UBE2E2: variants seen among roughly 807,000 people sequenced by gnomAD.
UBE2E2 encodes the protein ubiquitin conjugating enzyme E2 E2.
In UBE2E2, 6 loss-of-function variants were observed where a neutral mutation model predicts 24.7. The ratio of observed to expected loss-of-function variants is 0.24; its 90% CI spans 0.13 to 0.48. UBE2E2 has a LOEUF of 0.48. Among genes scored for constraint, UBE2E2 ranks in the 20% least tolerant of loss-of-function variants. The probability of loss-of-function intolerance (pLI) is 0.99; values close to 1 mark genes in which losing one functional copy is unlikely to be tolerated. For missense variants in UBE2E2, 169 were observed against 245.0 expected (o/e 0.69, Z 2.07); for synonymous variants, 104 against 83.6 (o/e 1.24, Z -1.33).
chr3:23,377,171 A>G (rs1005626557), intron 3 of UBE2E2, among the ~76,000 whole-genome samples: 1 of 152,136 alleles, frequency 6.6e-6, no homozygotes, highest in African/African-American at 2.4e-5. Context: ...TTACCAACCT[A>G]CAAGGAAATC....
At chr3:23,517,522 T>C (rs1694769953) in intron 4 of UBE2E2, among the ~76,000 whole-genome samples, 2 of 152,204 alleles carry the variant, frequency 1.3e-5, no homozygotes, top group Admixed American at 1.3e-4. Context: ...CTTTCAAATG[T>C]AAATATTCTG....
intron 5 of UBE2E2, among the ~76,000 whole-genome samples, chr3:23,578,608 AC>A (rs1450148661): frequency 6.6e-6 from 1 of 152,228 alleles, no homozygotes; most frequent in Non-Finnish European, 1.5e-5. Flanking sequence ...ATAAAAAGGA[AC>A]AAGATCATGT....
At chr3:23,437,210 C>T (rs1698204096) in intron 3 of UBE2E2, among the ~76,000 whole-genome samples, 1 of 152,176 alleles carries the variant, frequency 6.6e-6, no homozygotes, top group East Asian at 1.9e-4. Context: ...TTTACTTGGC[C>T]TGAAAAACTC....
rs3087043 is a variant in UBE2E2, at chr3:23,400,607, AACACACACAC to A, written c.228-98975_228-98966del. ...GGTGGACAGAGAGGAGAATAAATGAAACACACACACACACACACACACACACACACACACA... is the reference window on the plus strand; with the variant it reads ...GGTGGACAGAGAGGAGAATAAATGAAACACACACACACACACACACACACA... On this transcript the variant is annotated intron_variant, in intron 3 of 5. Coordinates refer to ENST00000396703, the MANE Select transcript of UBE2E2 (RefSeq NM_152653.4). Among the ~76,000 whole-genome samples, 22 of 137,836 alleles carry A rather than the reference AACACACACAC, an allele frequency of 1.6e-4. No homozygotes were observed. The South Asian group carries it at 2.7e-3, about 17-fold the overall frequency. 90.4% of individuals were successfully genotyped at this position (137,836 alleles called of 152,430 possible). A position where few individuals can be genotyped will look rare whatever the true frequency, so the allele number is the denominator to read the frequency against.
At chr3:23,327,108 A>G (rs1694911658) in intron 3 of UBE2E2, among the ~76,000 whole-genome samples, 2 of 152,140 alleles carry the variant, frequency 1.3e-5, no homozygotes, top group Non-Finnish European at 1.5e-5. Flanking sequence ...AGTCTTTGCT[A>G]TTGTGAATAG....
chr3:23,271,197 T>C, intron 3 of UBE2E2: 1 of 395,026 alleles, frequency 2.5e-6, no homozygotes, highest in South Asian at 2.0e-5. Context: ...TCTCGCTGAC[T>C]TCAAGAATGA....
chr3:23,584,169 T>G (rs2125520632), intron 5 of UBE2E2, among the ~76,000 whole-genome samples: 1 of 152,362 alleles, frequency 6.6e-6, no homozygotes, highest in Non-Finnish European at 1.5e-5. Flanking sequence ...TCTGTTGAGA[T>G]GATCACGTGG....
chr3:23,326,604 A>G (rs1022527001), intron 3 of UBE2E2, among the ~76,000 whole-genome samples: 2 of 152,204 alleles, frequency 1.3e-5, no homozygotes, highest in African/African-American at 2.4e-5. Flanking sequence ...AAAAAAAAGT[A>G]TGAGGTTGTA....
intron 3 of UBE2E2, among the ~76,000 whole-genome samples, chr3:23,229,398 C>T (rs1696915723): frequency 6.6e-6 from 1 of 152,136 alleles, no homozygotes; most frequent in Non-Finnish European, 1.5e-5. Flanking sequence ...ATCTCCTGAA[C>T]AGTATACACT....
intron 3 of UBE2E2, among the ~76,000 whole-genome samples, chr3:23,241,159 C>T (rs777058353): frequency 1.1e-4 from 17 of 152,144 alleles, no homozygotes; most frequent in Admixed American, 2.0e-4. Context: ...GTCATTGATT[C>T]CTTTTTCTCT....
intron 3 of UBE2E2, among the ~76,000 whole-genome samples, chr3:23,332,841 G>GA (rs948044225): frequency 1.3e-5 from 2 of 152,196 alleles, no homozygotes; most frequent in Middle Eastern, 3.4e-3. Flanking sequence ...ACTAAGACTT[G>GA]AAATCATTTT....
chr3:23,207,460 C>G (rs562655894), intron 1 of UBE2E2, among the ~76,000 whole-genome samples: 1 of 152,156 alleles, frequency 6.6e-6, no homozygotes, highest in South Asian at 2.1e-4. Context: ...GTCTTCATCT[C>G]TTGTGAAATA....
chr3:23,273,294 C>T (rs1186851606), intron 3 of UBE2E2, among the ~76,000 whole-genome samples: 1 of 152,126 alleles, frequency 6.6e-6, no homozygotes, highest in African/African-American at 2.4e-5. Flanking sequence ...AATCCCAGCA[C>T]TTTGGGAGGC....
At chr3:23,299,928 T>C (rs1699024088) in intron 3 of UBE2E2, among the ~76,000 whole-genome samples, 1 of 152,146 alleles carries the variant, frequency 6.6e-6, no homozygotes, top group South Asian at 2.1e-4. Flanking sequence ...TAAGTCTCTT[T>C]GTAGGTCACT....
intron 3 of UBE2E2, among the ~76,000 whole-genome samples, chr3:23,365,661 C>T (rs1405536679): frequency 6.6e-6 from 1 of 152,118 alleles, no homozygotes; most frequent in Non-Finnish European, 1.5e-5. Context: ...TAGGAAGAAT[C>T]AAGATTGTTT....
intron 3 of UBE2E2, among the ~76,000 whole-genome samples, chr3:23,458,429 T>G (rs13064211): frequency 1.9e-3 from 136 of 73,154 alleles, no homozygotes; most frequent in Admixed American, 3.6e-3. Context: ...TGGTGGTGGT[T>G]GTTGTTGTTT....
intron 5 of UBE2E2, 50 bp downstream of exon 5, chr3:23,532,751 GTCAGACCCTTAGTAA>G (rs1356641724): frequency 6.9e-7 from 1 of 1,442,592 alleles, no homozygotes; most frequent in South Asian, 1.7e-5. Context: ...AGATTTAAAT[GTCAGACCCTTAGTAA>G]CTTGTTTACT....
chr3:23,574,901 T>A (rs1439148979), intron 5 of UBE2E2, among the ~76,000 whole-genome samples: 1 of 152,220 alleles, frequency 6.6e-6, no homozygotes, highest in Non-Finnish European at 1.5e-5. Context: ...TGGTACAGGT[T>A]GAGTGTCCCT....
intron 3 of UBE2E2, among the ~76,000 whole-genome samples, chr3:23,310,979 G>T (rs1575552286): frequency 6.6e-6 from 1 of 151,956 alleles, no homozygotes. Flanking sequence ...TTTACATTAG[G>T]TATATCTCCT....
Sources: gnomAD v4.1 joint callset for allele counts (sites outside exome capture counted in the v4.1 genomes callset) on GRCh38, gnomAD v4.1.1 for gene constraint, MANE v1.5 for transcripts, NCBI Gene and HGNC (gene_info 2026-07-23, HGNC 2026-07-21) for gene names.